Variants in FHOD3 observed in about 807,000 individuals in gnomAD.
FHOD3 encodes the protein formin homology 2 domain containing 3, also known as FH1/FH2 domain-containing protein 3.
In FHOD3, 90 loss-of-function variants were observed where a neutral mutation model predicts 173.0. The ratio of observed to expected loss-of-function variants is 0.52; its 90% confidence interval spans 0.44 to 0.62. FHOD3 has a LOEUF of 0.62. Among genes scored for constraint, FHOD3 ranks in the 20% least tolerant of loss-of-function variants. The pLI is 0.00. For synonymous variants in FHOD3, 828 were observed against 823.0 expected, an observed-to-expected ratio of 1.01 and a Z score of -0.10; for missense variants, 1,945 against 2,034.7, an observed-to-expected ratio of 0.96 and a Z score of 0.85.
intron 3 of FHOD3, among the ~76,000 whole-genome samples, chr18:36,476,007 A>G (rs1410986980): frequency 1.3e-5 from 2 of 152,232 alleles, no homozygotes; most frequent in Non-Finnish European, 2.9e-5. Flanking sequence ...AGATTGGTCA[A>G]GAAATGTATT....
intron 2 of FHOD3, 52 bp downstream of exon 2, chr18:36,355,697 G>T (rs1176237685): frequency 1.4e-6 from 2 of 1,474,780 alleles, no homozygotes; most frequent in African/African-American, 2.8e-5. Context: ...CAGGAAATGG[G>T]GGTACATTGA....
intron 10 of FHOD3, among the ~76,000 whole-genome samples, chr18:36,641,878 G>A (rs1429760645): frequency 1.3e-5 from 2 of 151,786 alleles, no homozygotes. Context: ...GCTTGAACCC[G>A]GGGGTTGGAG....
At chr18:36,574,858 A>G (rs527473882) in intron 5 of FHOD3, among the ~76,000 whole-genome samples, 19 of 152,264 alleles carry the variant, frequency 1.2e-4, no homozygotes, top group Middle Eastern at 3.4e-3. Context: ...CTCAAAATAT[A>G]CTGCTTATTG....
At chr18:36,532,734 G>A (rs910269143) in intron 5 of FHOD3, among the ~76,000 whole-genome samples, 30 of 152,128 alleles carry the variant, frequency 2.0e-4, no homozygotes, top group African/African-American at 6.5e-4. Context: ...ACCCACACCT[G>A]GAAGCAGAGA....
chr18:36,411,843 C>T (rs1178495940), intron 3 of FHOD3, among the ~76,000 whole-genome samples: 3 of 152,214 alleles, frequency 2.0e-5, no homozygotes, highest in Non-Finnish European at 4.4e-5. Context: ...AAAACAAGGC[C>T]ACCATGTGGC....
At chr18:36,486,043 G>A (rs2054175869) in intron 3 of FHOD3, among the ~76,000 whole-genome samples, 2 of 152,156 alleles carry the variant, frequency 1.3e-5, no homozygotes, top group African/African-American at 2.4e-5. Context: ...TGTCTTTCCT[G>A]TTAGACTCTA....
At chr18:36,549,532 C>CTTTTTTTTTTTT (rs386387404) in intron 5 of FHOD3, among the ~76,000 whole-genome samples, 1 of 71,232 alleles carries the variant, frequency 1.4e-5, no homozygotes, top group African/African-American at 5.7e-5. Flanking sequence ...TCTAAGAAAT[C>CTTTTTTTTTTTT]TTTTTTTTTT....
At chr18:36,409,699 C>T (rs534672141) in intron 3 of FHOD3, among the ~76,000 whole-genome samples, 2 of 152,234 alleles carry the variant, frequency 1.3e-5, no homozygotes, top group African/African-American at 2.4e-5. Flanking sequence ...TAGGGCTGAC[C>T]GTCAGATACA....
intron 1 of FHOD3, among the ~76,000 whole-genome samples, chr18:36,306,908 A>C (rs985267258): frequency 6.6e-6 from 1 of 152,140 alleles, no homozygotes; most frequent in Non-Finnish European, 1.5e-5. Flanking sequence ...TTCTTCATGT[A>C]TCATAGTGAC....
chr18:36,775,620 G>A (rs771855558), intron 28 of FHOD3, among the ~76,000 whole-genome samples: 53 of 152,282 alleles, frequency 3.5e-4, no homozygotes, highest in Non-Finnish European at 6.5e-4. Context: ...CATTGTTCTC[G>A]GATGCGACTC....
chr18:36,407,991 T>C (rs1568231847), intron 3 of FHOD3, among the ~76,000 whole-genome samples: 1 of 152,186 alleles, frequency 6.6e-6, no homozygotes, highest in Non-Finnish European at 1.5e-5. Flanking sequence ...TAGATGATAT[T>C]GGAACTGTTT....
chr18:36,632,538 T>C (rs925362493), intron 10 of FHOD3, among the ~76,000 whole-genome samples: 5 of 152,236 alleles, frequency 3.3e-5, no homozygotes, highest in Non-Finnish European at 5.9e-5. Context: ...CAAATGTCTT[T>C]TAACTGAATT....
At chr18:36,645,757 T>A (rs1373696042) in intron 10 of FHOD3, among the ~76,000 whole-genome samples, 1 of 152,186 alleles carries the variant, frequency 6.6e-6, no homozygotes, top group East Asian at 1.9e-4. Flanking sequence ...GTATTATCTT[T>A]ATTAAGTTTA....
At chr18:36,524,088 C>G (rs1034493614) in intron 5 of FHOD3, among the ~76,000 whole-genome samples, 13 of 152,052 alleles carry the variant, frequency 8.5e-5, no homozygotes, top group Non-Finnish European at 1.9e-4. Context: ...TTGAGACCAG[C>G]CTGGCCAACA....
intron 3 of FHOD3, among the ~76,000 whole-genome samples, chr18:36,458,034 A>G (rs1048900229): frequency 6.6e-6 from 1 of 152,186 alleles, no homozygotes; most frequent in Non-Finnish European, 1.5e-5. Flanking sequence ...AGGTGGAGAA[A>G]GAGGGAAGCA....
At chr18:36,320,215 A>G (rs1481641597) in intron 1 of FHOD3, among the ~76,000 whole-genome samples, 1 of 152,236 alleles carries the variant, frequency 6.6e-6, no homozygotes, top group East Asian at 1.9e-4. Flanking sequence ...GGAAAAGATC[A>G]GCAAAATAGA....
At chr18:36,415,827 G>A (rs1225341932) in intron 3 of FHOD3, among the ~76,000 whole-genome samples, 2 of 152,080 alleles carry the variant, frequency 1.3e-5, no homozygotes, top group African/African-American at 4.8e-5. Flanking sequence ...ACATAATAAG[G>A]GTGGCATTTT....
chr18:36,572,007 T>G (rs2058469554), intron 5 of FHOD3, among the ~76,000 whole-genome samples: 1 of 152,176 alleles, frequency 6.6e-6, no homozygotes, highest in African/African-American at 2.4e-5. Flanking sequence ...CTGTTTTCTG[T>G]TTTTGAGAGT....
rs2032721586 is a variant in FHOD3, at chr18:36,611,934, G to C, written c.814-18G>C. The C allele has an allele frequency of 1.2e-6, 2 of 1,610,674 alleles. No individual in the cohort carries two copies. Among genetic ancestry groups the C allele is most frequent in the Non-Finnish European group, 1.7e-6 (2 of 1,178,576 alleles). On this transcript the variant is annotated intron_variant, in intron 8 of 28. Transcript: ENST00000590592. ...GTCTTCTGTGGTGTCTCTGTAGCTG[G>C]TTCTTCTCTTCTTCCAGACGTTATC...
Sources: allele counts gnomAD v4.1 joint callset (sites outside exome capture counted in the v4.1 genomes callset), GRCh38; gene constraint gnomAD v4.1.1; transcripts MANE v1.5; gene names NCBI Gene and HGNC (gene_info 2026-07-23, HGNC 2026-07-21).